DGKG: variants seen among roughly 807,000 people sequenced by gnomAD.
DGKG encodes DAG kinase gamma.
A neutral mutation model predicts 105.3 loss-of-function variants in DGKG; 78 were observed. That is an observed-to-expected ratio of 0.74 (90% CI 0.62 to 0.89). The LOEUF (loss-of-function observed/expected upper bound fraction) is 0.89. DGKG is among the 40% of genes least tolerant of loss of function. The pLI is 0.00. For synonymous variants in DGKG, 346 were observed against 367.1 expected (o/e 0.94, Z 0.66); for missense variants, 958 against 1,020.1 (o/e 0.94, Z 0.83).
intron 18 of DGKG, among the ~76,000 whole-genome samples, chr3:186,252,168 C>T (rs182573147): frequency 2.5e-3 from 380 of 152,264 alleles, no homozygotes; most frequent in Admixed American, 5.2e-3. Flanking sequence ...GTAGCTGAAG[C>T]GAAGCAAACC....
chr3:186,336,961 T>C (rs1298190084), intron 1 of DGKG, among the ~76,000 whole-genome samples: 1 of 152,188 alleles, frequency 6.6e-6, no homozygotes, highest in Non-Finnish European at 1.5e-5. Context: ...AAAGCCTGAC[T>C]AGTTCAATAA....
In DGKG at chr3:186,269,151, T is replaced by C. The variant is rs571032851; in HGVS notation, c.1000-234A>G. ...ATTAAAAGCTCGCTTTGCCACATTT[T>C]GAACAGCTCAATCGCCCTGGAAGGC... On this transcript the variant is annotated intron_variant, in intron 11 of 24. Coordinates refer to ENST00000265022, the MANE Select transcript of DGKG (RefSeq NM_001346.3). Among the ~76,000 whole-genome samples the C allele has an allele frequency of 2.0e-5, 3 of 152,370 alleles. No individual in the cohort carries two copies. In the South Asian group the frequency reaches 6.2e-4, roughly 32 times the overall value.
At chr3:186,287,626 T>A (rs1723130275) in intron 6 of DGKG, among the ~76,000 whole-genome samples, 1 of 152,222 alleles carries the variant, frequency 6.6e-6, no homozygotes, top group South Asian at 2.1e-4. Flanking sequence ...TCCAGCTAAA[T>A]GCTGGAAATA....
intron 20 of DGKG, 139 bp from the exon 21 acceptor site, chr3:186,212,024 G>T: frequency 1.5e-6 from 1 of 655,816 alleles, no homozygotes; most frequent in Non-Finnish European, 2.7e-6. Context: ...TTAATCAGAT[G>T]ATCAAGGAAT....
Position 186,208,541 on chromosome 3 carries a change from C to T in DGKG, c.1917+3254G>A, listed in dbSNP as rs1452795183. On this transcript the variant is annotated intron_variant, in intron 21 of 24. Coordinates refer to ENST00000265022, the MANE Select transcript of DGKG (RefSeq NM_001346.3). ...CACTGAACCTGTCAACCTAAGTTCC[C>T]TCAACCGTAAAGTGAGGACATTAAT... Among the ~76,000 whole-genome samples the T allele has an allele frequency of 3.9e-5, 6 of 152,202 alleles. 1 individual carries two copies. Among genetic ancestry groups the T allele is most frequent in the Non-Finnish European group, 7.3e-5 (5 of 68,044 alleles).
intron 21 of DGKG, among the ~76,000 whole-genome samples, chr3:186,196,822 G>A (rs991056106): frequency 3.3e-5 from 5 of 152,174 alleles, no homozygotes; most frequent in Admixed American, 3.3e-4. Context: ...GGAGAGATAG[G>A]GCTTAACCAG....
intron 22 of DGKG, among the ~76,000 whole-genome samples, chr3:186,171,987 C>T (rs911146593): frequency 2.6e-4 from 39 of 152,152 alleles, no homozygotes; most frequent in Admixed American, 2.5e-3. Context: ...TCCCAATTTT[C>T]TGGGATTACA....
intron 20 of DGKG, among the ~76,000 whole-genome samples, chr3:186,239,729 C>T (rs1235808990): frequency 6.6e-6 from 1 of 152,168 alleles, no homozygotes; most frequent in African/African-American, 2.4e-5. Context: ...ATCCGTGGGC[C>T]TGTCACCATG....
At chr3:186,295,936 G>C (rs962197763) in intron 5 of DGKG, among the ~76,000 whole-genome samples, 10 of 152,086 alleles carry the variant, frequency 6.6e-5, no homozygotes, top group Non-Finnish European at 5.9e-5. Flanking sequence ...GCAAAACCCT[G>C]TCTGTACTAA....
chr3:186,190,484 G>C (rs1361955941), intron 21 of DGKG, among the ~76,000 whole-genome samples: 1 of 152,144 alleles, frequency 6.6e-6, no homozygotes, highest in Non-Finnish European at 1.5e-5. Flanking sequence ...TAAGAGTTCA[G>C]CACGTTATCC....
chr3:186,316,893 T>C (rs1724845102), intron 2 of DGKG, among the ~76,000 whole-genome samples: 1 of 152,232 alleles, frequency 6.6e-6, no homozygotes, highest in African/African-American at 2.4e-5. Context: ...CACCAGAATG[T>C]GTCTAAAATT....
intron 19 of DGKG, among the ~76,000 whole-genome samples, chr3:186,242,871 G>T (rs1290070211): frequency 1.3e-5 from 2 of 152,180 alleles, no homozygotes; most frequent in African/African-American, 4.8e-5. Context: ...GAAGGGGAAA[G>T]CCTTTGCCCT....
At chr3:186,344,433 G>T (rs114714547) in intron 1 of DGKG, among the ~76,000 whole-genome samples, 160 of 152,302 alleles carry the variant, frequency 1.1e-3, no homozygotes, top group African/African-American at 3.6e-3. Flanking sequence ...TCTTTTGCAG[G>T]AACATGGATG....
intron 9 of DGKG, among the ~76,000 whole-genome samples, chr3:186,277,445 C>G (rs142094060): frequency 2.3e-4 from 35 of 152,344 alleles, no homozygotes; most frequent in African/African-American, 8.4e-4. Context: ...AGACTTGGGT[C>G]TTTTGCTGGC....
intron 1 of DGKG, among the ~76,000 whole-genome samples, chr3:186,329,092 T>G (rs1725484070): frequency 6.6e-6 from 1 of 152,170 alleles, no homozygotes; most frequent in South Asian, 2.1e-4. Context: ...CTTTGTAGTA[T>G]GAACAATCTT....
intron 22 of DGKG, among the ~76,000 whole-genome samples, chr3:186,165,748 A>T (rs1716512163): frequency 1.3e-5 from 2 of 152,240 alleles, no homozygotes. Flanking sequence ...CCTTTTCTTC[A>T]GCATTGCTGA....
In DGKG at chr3:186,188,245, C is replaced by T. The variant is rs1717735269; in HGVS notation, c.2052G>A (p.Arg684=). 1 of 1,614,174 alleles carries T rather than the reference C, an allele frequency of 6.2e-7. No homozygotes were observed. Among genetic ancestry groups the T allele is most frequent in the East Asian group, 2.2e-5 (1 of 44,880 alleles). ...GTTCTTTGGGGTCAGTGACACCCTT[C>T]CTGCTTTCCCGGATCACAGCCCGGT... ...KKNRAVIRES[R]KGVTDPKELK... is the part of the protein sequence containing the mutation. The change falls in exon 22 of 25, where the codon AGG becomes AGA. Residue 684 remains arginine, a synonymous_variant. Coordinates refer to ENST00000265022, the MANE Select transcript of DGKG (RefSeq NM_001346.3).
intron 1 of DGKG, among the ~76,000 whole-genome samples, chr3:186,330,371 T>A (rs1266319043): frequency 1.3e-5 from 2 of 152,236 alleles, no homozygotes; most frequent in African/African-American, 2.4e-5. Flanking sequence ...GGTCGTCATT[T>A]ACATTGGTGG....
chr3:186,354,168 G>A (rs1726790334), intron 1 of DGKG, among the ~76,000 whole-genome samples: 1 of 152,156 alleles, frequency 6.6e-6, no homozygotes, highest in Non-Finnish European at 1.5e-5. Flanking sequence ...CTGGCCTTCT[G>A]GGAGCTGGAA....
Sources: gnomAD v4.1 joint callset for allele counts (sites outside exome capture counted in the v4.1 genomes callset) on GRCh38, gnomAD v4.1.1 for gene constraint, MANE v1.5 for transcripts, NCBI Gene and HGNC (gene_info 2026-07-23, HGNC 2026-07-21) for gene names.